CAPN2: variants seen among roughly 807,000 people sequenced by gnomAD.
The protein encoded by CAPN2 is calpain-2 catalytic subunit.
A neutral mutation model predicts 102.3 loss-of-function variants in CAPN2; 92 were observed. The ratio of observed to expected loss-of-function variants is 0.90; its 90% CI spans 0.76 to 1.07. The LOEUF (loss-of-function observed/expected upper bound fraction) is 1.07. Ranked by LOEUF, CAPN2 falls within the 50% of genes least tolerant of loss-of-function variation. The pLI, the probability that CAPN2 is intolerant of heterozygous loss-of-function variation, is 0.00. For missense variants in CAPN2, 800 were observed against 909.4 expected, an observed-to-expected ratio of 0.88 and a Z score of 1.55; for synonymous variants, 340 against 355.4, an observed-to-expected ratio of 0.96 and a Z score of 0.49.
intron 6 of CAPN2, chr1:223,749,352 C>T (rs936164099): frequency 1.7e-6 from 1 of 591,090 alleles, no homozygotes; most frequent in South Asian, 2.1e-5. Context: ...GCCAGGGGCC[C>T]TGGTTTTACT....
intron 2 of CAPN2, among the ~76,000 whole-genome samples, chr1:223,734,292 CT>C (rs1208807458): frequency 6.6e-6 from 1 of 152,078 alleles, no homozygotes; most frequent in Non-Finnish European, 1.5e-5. Flanking sequence ...AATGTACTTT[CT>C]TTTTTTAAAA....
intron 1 of CAPN2, among the ~76,000 whole-genome samples, chr1:223,703,742 A>G (rs1010929576): frequency 6.6e-6 from 1 of 152,186 alleles, no homozygotes; most frequent in Non-Finnish European, 1.5e-5. Context: ...AGTCTCTTGC[A>G]TGTCTAACTT....
chr1:223,746,114 A>G (rs1007809427), intron 4 of CAPN2, among the ~76,000 whole-genome samples: 2 of 152,042 alleles, frequency 1.3e-5, no homozygotes, highest in African/African-American at 4.8e-5. Context: ...CATTAAAGTG[A>G]CCCCACTTTA....
chr1:223,714,649 C>T (rs916946219), intron 1 of CAPN2, among the ~76,000 whole-genome samples: 1 of 139,724 alleles, frequency 7.2e-6, no homozygotes, highest in Non-Finnish European at 1.5e-5. Flanking sequence ...AAGTGAAACA[C>T]AAACCAAGAG....
chr1:223,737,719 G>T (rs1262449070), intron 2 of CAPN2, among the ~76,000 whole-genome samples: 917 of 83,922 alleles, frequency 0.011, 85 homozygotes, highest in African/African-American at 0.03. Context: ...GGGGGTGGGG[G>T]GGAGAGAATA....
intron 14 of CAPN2, 93 bp from the exon 15 acceptor site, chr1:223,764,057 A>G (rs1240007075): frequency 1.4e-5 from 13 of 955,284 alleles, no homozygotes. Context: ...CATAGGCCCC[A>G]CCGCAGGCCT....
chr1:223,755,741 G>A lies in CAPN2; in HGVS notation c.1305+92G>A, dbSNP rs1661019468. The stretch of plus-strand genomic sequence containing the variant: ...TGACCCCAGAGGCAGAACTGGGGAT[G>A]GGATCCCAGACCGGGAGCTTGGCCA... On this transcript the variant is annotated intron_variant, in intron 10 of 20. Coordinates refer to ENST00000295006, the MANE Select transcript of CAPN2 (RefSeq NM_001748.5). This position sits in a 1 kb window ranked among gnomAD's most constrained non-coding sequence, Gnocchi z 4.1. 1 of 1,267,432 alleles carries A rather than the reference G, an allele frequency of 7.9e-7. No individual in the cohort carries two copies. The highest frequency in any genetic ancestry group is 1.1e-6 in the Non-Finnish European group (1 of 935,830). 78.5% of individuals were successfully genotyped at this position (1,267,432 alleles called of 1,614,324 possible).
chr1:223,748,971 A>G, intron 5 of CAPN2, 68 bp from the exon 6 acceptor site: 5 of 1,423,250 alleles, frequency 3.5e-6, no homozygotes, highest in Non-Finnish European at 5.0e-6. Flanking sequence ...AGTAGGACAG[A>G]GGGAGCGAGG....
upstream of CAPN2, chr1:223,712,506 C>T (rs982955070): frequency 1.4e-5 from 17 of 1,206,786 alleles, no homozygotes; most frequent in South Asian, 3.9e-5. Context: ...CGCTTCCCTC[C>T]GGTGAATCAT....
intron 2 of CAPN2, among the ~76,000 whole-genome samples, chr1:223,729,142 T>C (rs530569675): frequency 6.6e-5 from 10 of 152,310 alleles, no homozygotes; most frequent in African/African-American, 2.4e-4. Flanking sequence ...GGCCCCAGAA[T>C]TGTAATGGCT....
intron 2 of CAPN2, among the ~76,000 whole-genome samples, chr1:223,729,517 G>A (rs993136347): frequency 6.6e-6 from 1 of 152,206 alleles, no homozygotes; most frequent in African/African-American, 2.4e-5. Context: ...TGTGCCCAAG[G>A]TGGTTGGTTT....
chr1:223,727,417 G>C lies in CAPN2; in HGVS notation c.307+9586G>C, dbSNP rs1042340497. Among the ~76,000 whole-genome samples the C allele has an allele frequency of 2.0e-5, 3 of 152,164 alleles. No homozygotes were observed. The highest frequency in any genetic ancestry group is 4.4e-5 in the Non-Finnish European group (3 of 68,036). On this transcript the variant is annotated intron_variant, in intron 2 of 20. Coordinates refer to ENST00000295006, the MANE Select transcript of CAPN2 (RefSeq NM_001748.5). The surrounding 1 kb of genome is among the most constrained non-coding windows in gnomAD (Gnocchi z 4.1). ...CGTGTGCCACTCAAAAATGTCTGCA[G>C]ACCTTGCCAAATGTCCCCTGGGGGC... is the stretch of plus-strand genomic sequence containing the variant.
chr1:223,728,882 T>G lies in CAPN2; in HGVS notation c.307+11051T>G, dbSNP rs377225280. On this transcript the variant is annotated intron_variant, in intron 2 of 20. Transcript: ENST00000295006. ...GACTTGCACAAGCCAGCAACTGCCT[T>G]TCTGCTTCCATTCAGCCAGCTTTAC... Among the ~76,000 whole-genome samples, 20 of 152,352 alleles carry G rather than the reference T, an allele frequency of 1.3e-4. 1 individual carries two copies. In the East Asian group the frequency reaches 1.7e-3, roughly 13 times the overall value.
rs1230803967 is a variant in CAPN2 at position 223,726,588 on chromosome 1, G to T, written c.307+8757G>T. Among the ~76,000 whole-genome samples the T allele has an allele frequency of 6.6e-6, 1 of 152,166 alleles. No individual in the cohort carries two copies. Among genetic ancestry groups the T allele is most frequent in the Non-Finnish European group, 1.5e-5 (1 of 68,044 alleles). On this transcript the variant is annotated intron_variant, in intron 2 of 20. Coordinates refer to ENST00000295006, the MANE Select transcript of CAPN2 (RefSeq NM_001748.5). The surrounding 1 kb of genome is among the most constrained non-coding windows in gnomAD (Gnocchi z 4.4). ...CCTCCCTCCCATCCTCCCTTTTAGG[G>T]CCTCCCTTCTGGCAGATAGGGCAGG...
At chr1:223,721,516 G>C (rs6693372) in intron 2 of CAPN2, among the ~76,000 whole-genome samples, 11 of 152,164 alleles carry the variant, frequency 7.2e-5, no homozygotes, top group Non-Finnish European at 1.6e-4. Context: ...AGAGCCCAAG[G>C]CTGCCAAGGC....
chr1:223,749,354 G>GGTTTTACTT (rs982829771), intron 6 of CAPN2: 19 of 590,634 alleles, frequency 3.2e-5, no homozygotes, highest in African/African-American at 3.2e-4. Flanking sequence ...CAGGGGCCCT[G>GGTTTTACTT]GTTTTACTTG....
chr1:223,729,178 A>G (rs75247324), intron 2 of CAPN2, among the ~76,000 whole-genome samples: 16,722 of 152,256 alleles, frequency 0.11, 1,282 homozygotes, highest in East Asian at 0.26. Flanking sequence ...CAGCTTTACA[A>G]TGGCATGAAA....
At position 223,775,605 on chromosome 1, in the gene CAPN2, G is replaced by A. The variant is rs185195602; in HGVS notation, c.*748G>A. ...GGCATCCAATTTGTAAACCAATTAT[G>A]ATAAAGGACAAAATAAGCTGTTTGC... is the stretch of plus-strand genomic sequence containing the variant. On this transcript the variant is annotated 3_prime_UTR_variant, in exon 21 of 21. Coordinates refer to ENST00000295006, the MANE Select transcript of CAPN2 (RefSeq NM_001748.5). The A allele has an allele frequency of 6.6e-6, 1 of 152,632 alleles. No homozygotes were observed. The highest frequency in any genetic ancestry group is 2.4e-5 in the African/African-American group (1 of 41,450). The allele number at this position is 152,632 out of a possible 1,614,324, so 9.5% of individuals were successfully genotyped here.
rs1660338851 is a variant in CAPN2 at position 223,731,657 on chromosome 1, C to T, written c.308-12443C>T. ...TGGCACGGAGCCAGGAATGCACCAA[C>T]AAGGAGCCTGAGACTAGATTGGAGG... is the stretch of plus-strand genomic sequence containing the variant. On this transcript the variant is annotated intron_variant, in intron 2 of 20. Coordinates refer to ENST00000295006, the MANE Select transcript of CAPN2 (RefSeq NM_001748.5). This position sits in a 1 kb window ranked among gnomAD's most constrained non-coding sequence, Gnocchi z 4.2. Among the ~76,000 whole-genome samples the T allele has an allele frequency of 1.3e-5, 2 of 152,230 alleles. No individual in the cohort carries two copies. Among genetic ancestry groups the T allele is most frequent in the African/African-American group, 2.4e-5 (1 of 41,458 alleles).
Sources: allele counts gnomAD v4.1 joint callset (sites outside exome capture counted in the v4.1 genomes callset), GRCh38; gene constraint gnomAD v4.1.1; non-coding constraint Gnocchi (gnomAD v3.1); transcripts MANE v1.5; gene names NCBI Gene and HGNC (gene_info 2026-07-23, HGNC 2026-07-21).